The following ENOX1 variants were observed in gnomAD, a reference collection of about 807,000 sequenced individuals.
ENOX1 encodes candidate growth-related and time keeping constitutive hydroquinone (NADH) oxidase.
Under a neutral mutation model 82.5 loss-of-function variants are expected in ENOX1, and 42 were observed. That is an observed-to-expected ratio of 0.51 (90% CI 0.40 to 0.66). The LOEUF (loss-of-function observed/expected upper bound fraction) is 0.66. Among genes scored for constraint, ENOX1 ranks in the 30% least tolerant of loss-of-function variants. The pLI, the probability that ENOX1 is intolerant of heterozygous loss-of-function variation, is 0.00. For synonymous variants in ENOX1, 271 were observed against 282.2 expected (o/e 0.96, Z 0.40); for missense variants, 608 against 811.6 (o/e 0.75, Z 3.05).
chr13:43,641,529 AT>A (rs769737189), intron 2 of ENOX1, among the ~76,000 whole-genome samples: 11 of 83,120 alleles, frequency 1.3e-4, no homozygotes, highest in African/African-American at 4.4e-4. Context: ...TTAATTTTTA[AT>A]TTTTTTTTTT....
intron 1 of ENOX1, among the ~76,000 whole-genome samples, chr13:43,681,619 G>A (rs1435541371): frequency 6.8e-6 from 1 of 147,932 alleles, no homozygotes; most frequent in African/African-American, 2.6e-5. Context: ...GGTATGTCTT[G>A]TCTAACCAAT....
At chr13:43,478,067 T>TTTTG (rs2058362479) in intron 3 of ENOX1, among the ~76,000 whole-genome samples, 1 of 144,698 alleles carries the variant, frequency 6.9e-6, no homozygotes, top group Non-Finnish European at 1.5e-5. Flanking sequence ...TTTTTTTTTT[T>TTTTG]TTTTTTTTTT....
intron 3 of ENOX1, among the ~76,000 whole-genome samples, chr13:43,466,505 T>TAA (rs2057727391): frequency 6.6e-6 from 1 of 152,064 alleles, no homozygotes; most frequent in Non-Finnish European, 1.5e-5. Flanking sequence ...AAAGAACAAC[T>TAA]ACAAAAAATA....
chr13:43,467,518 T>TAAAATTTAAAATTTTAAAATTTC (rs1566296643), intron 3 of ENOX1, among the ~76,000 whole-genome samples: 1 of 104,098 alleles, frequency 9.6e-6, no homozygotes, highest in African/African-American at 3.4e-5. Context: ...TTTAAAATTT[T>TAAAATTTAAAATTTTAAAATTTC]AAAATTTTAA....
chr13:43,437,097 T>A (rs2056076435), intron 3 of ENOX1, among the ~76,000 whole-genome samples: 1 of 152,162 alleles, frequency 6.6e-6, no homozygotes, highest in Non-Finnish European at 1.5e-5. Context: ...GGGATGTTTA[T>A]AGAACATATT....
chr13:43,747,728 C>T (rs530953721), intron 1 of ENOX1, among the ~76,000 whole-genome samples: 1 of 152,310 alleles, frequency 6.6e-6, no homozygotes, highest in South Asian at 2.1e-4. Context: ...TGTGAACAGG[C>T]CCTCAAATTG....
At chr13:43,329,255 T>C (rs1217710179) in intron 9 of ENOX1, among the ~76,000 whole-genome samples, 1 of 152,154 alleles carries the variant, frequency 6.6e-6, no homozygotes, top group African/African-American at 2.4e-5. Context: ...GGGAACTTTA[T>C]ATTGTAGGAT....
intron 2 of ENOX1, among the ~76,000 whole-genome samples, chr13:43,662,129 C>T (rs1278918083): frequency 2.6e-5 from 4 of 152,116 alleles, no homozygotes; most frequent in African/African-American, 4.8e-5. Context: ...CCATTAGGCC[C>T]GATATTGCCT....
At chr13:43,415,037 G>A (rs952384378) in intron 3 of ENOX1, among the ~76,000 whole-genome samples, 11 of 152,054 alleles carry the variant, frequency 7.2e-5, no homozygotes, top group Non-Finnish European at 1.3e-4. Context: ...GAGACCCATC[G>A]TTTCTACCTA....
At chr13:43,475,909 C>A (rs945459534) in intron 3 of ENOX1, among the ~76,000 whole-genome samples, 7 of 151,040 alleles carry the variant, frequency 4.6e-5, no homozygotes, top group Admixed American at 3.3e-4. Flanking sequence ...ATAAAGGACA[C>A]TTTTTTAGAG....
intron 2 of ENOX1, among the ~76,000 whole-genome samples, chr13:43,556,267 C>T (rs564864523): frequency 6.6e-6 from 1 of 150,990 alleles, no homozygotes; most frequent in African/African-American, 2.4e-5. Flanking sequence ...CTAATTATTT[C>T]TCTTTTCTAA....
At chr13:43,636,147 GACA>G (rs1351939341) in intron 2 of ENOX1, among the ~76,000 whole-genome samples, 2 of 152,182 alleles carry the variant, frequency 1.3e-5, no homozygotes, top group African/African-American at 4.8e-5. Flanking sequence ...GTAACTAAGA[GACA>G]ACAAGTGGGC....
chr13:43,640,890 ACACACG>A (rs1566688881), intron 2 of ENOX1, among the ~76,000 whole-genome samples: 2 of 111,734 alleles, frequency 1.8e-5, no homozygotes, highest in Non-Finnish European at 3.5e-5. Context: ...ACGCGCACAC[ACACACG>A]TACACACACA....
chr13:43,461,652 T>G (rs903664362), intron 3 of ENOX1, among the ~76,000 whole-genome samples: 1 of 152,176 alleles, frequency 6.6e-6, no homozygotes, highest in Non-Finnish European at 1.5e-5. Flanking sequence ...CAGGTATGAT[T>G]TTTAAGGGGC....
At chr13:43,416,200 G>A (rs1406967025) in intron 3 of ENOX1, among the ~76,000 whole-genome samples, 8 of 127,738 alleles carry the variant, frequency 6.3e-5, no homozygotes, top group African/African-American at 1.6e-4. Flanking sequence ...CATCCCAGAC[G>A]GGGCGGCTGG....
chr13:43,271,674 C>A (rs1332521451), intron 12 of ENOX1, among the ~76,000 whole-genome samples: 1 of 151,928 alleles, frequency 6.6e-6, no homozygotes, highest in Non-Finnish European at 1.5e-5. Context: ...AAAACACACA[C>A]ACACACACAC....
At chr13:43,781,590 T>C (rs1033759130) in intron 1 of ENOX1, among the ~76,000 whole-genome samples, 35 of 152,142 alleles carry the variant, frequency 2.3e-4, no homozygotes, top group Non-Finnish European at 4.4e-4. Flanking sequence ...CTTGGCTCAC[T>C]GCAACCTCTG....
chr13:43,613,383 C>T (rs373533338), intron 2 of ENOX1, among the ~76,000 whole-genome samples: 2 of 151,948 alleles, frequency 1.3e-5, no homozygotes, highest in African/African-American at 4.8e-5. Flanking sequence ...ACAACCTGAA[C>T]GTAAATGAAA....
At chr13:43,636,518 C>G (rs1241312047) in intron 2 of ENOX1, among the ~76,000 whole-genome samples, 2 of 152,152 alleles carry the variant, frequency 1.3e-5, no homozygotes, top group African/African-American at 4.8e-5. Flanking sequence ...CTGTGGCCCA[C>G]GAACTTTTGT....
Sources: allele counts gnomAD v4.1 joint callset (sites outside exome capture counted in the v4.1 genomes callset), GRCh38; gene constraint gnomAD v4.1.1; transcripts MANE v1.5; gene names NCBI Gene and HGNC (gene_info 2026-07-23, HGNC 2026-07-21).